The following RBPMS variants were observed in gnomAD, a reference collection of about 807,000 sequenced individuals.
RBPMS encodes the protein RNA binding protein, mRNA processing factor.
RBPMS carries 7 observed loss-of-function variants against 26.8 expected under a neutral mutation model. The ratio of observed to expected loss-of-function variants is 0.26; its 90% CI spans 0.15 to 0.49. The LOEUF (loss-of-function observed/expected upper bound fraction) is 0.49. RBPMS is among the 20% of genes least tolerant of loss of function. The probability of loss-of-function intolerance (pLI) is 0.98; values close to 1 mark genes in which losing one functional copy is unlikely to be tolerated. For synonymous variants in RBPMS, 96 were observed against 93.3 expected, an observed-to-expected ratio of 1.03 and a Z score of -0.17; for missense variants, 186 against 250.0, an observed-to-expected ratio of 0.74 and a Z score of 1.73.
chr8:30,496,673 A>C (rs1342889887), intron 4 of RBPMS, among the ~76,000 whole-genome samples: 1 of 152,182 alleles, frequency 6.6e-6, no homozygotes, highest in Non-Finnish European at 1.5e-5. Flanking sequence ...CTTTACTCAT[A>C]GTTTTCTATT....
At chr8:30,555,811 G>A (rs1304130508) in intron 6 of RBPMS, 30 of 919,384 alleles carry the variant, frequency 3.3e-5, no homozygotes, top group East Asian at 1.2e-4. Context: ...AGTGACCTGG[G>A]GCCAAAAGCC....
chr8:30,552,910 G>A (rs563913725), intron 6 of RBPMS: 12 of 152,372 alleles, frequency 7.9e-5, no homozygotes, highest in African/African-American at 2.9e-4. Flanking sequence ...GTCCCTGCCT[G>A]GGCTCGGACC....
rs1483517041 is a variant in RBPMS, at chr8:30,504,289, A to G, written c.250A>G (p.Ile84Val). The G allele has an allele frequency of 4.3e-6, 7 of 1,614,162 alleles. No homozygotes were observed. Among genetic ancestry groups the G allele is most frequent in the Non-Finnish European group, 5.9e-6 (7 of 1,180,008 alleles). ...AEAAKNALNG[I>V]RFDPEIPQTL... ...CATTTGTTCTCTGTTTCCAAAGGGC[A>G]TCCGCTTCGATCCTGAAATTCCGCA... The change falls in exon 5 of 9, where the codon ATC (isoleucine) becomes GTC (valine). Residue 84 changes from isoleucine (I) to valine (V), a missense_variant. By Grantham distance (29) the Ile-to-Val change is conservative. This residue lies in a region of RBPMS where 50 missense variants were observed against 108.5 expected (regional missense o/e 0.46). Transcript: ENST00000397323.
chr8:30,391,638 G>T (rs1399866626), intron 1 of RBPMS, among the ~76,000 whole-genome samples: 1 of 152,168 alleles, frequency 6.6e-6, no homozygotes, highest in African/African-American at 2.4e-5. Context: ...TTTGTCATAT[G>T]GGGATAACTC....
intron 4 of RBPMS, among the ~76,000 whole-genome samples, chr8:30,503,215 T>G (rs1395210315): frequency 6.6e-6 from 1 of 152,202 alleles, no homozygotes; most frequent in Non-Finnish European, 1.5e-5. Flanking sequence ...TCAGAGTTGT[T>G]CATCCTGGTC....
At chr8:30,472,995 A>G (rs977542797) in intron 1 of RBPMS, among the ~76,000 whole-genome samples, 1 of 152,224 alleles carries the variant, frequency 6.6e-6, no homozygotes, top group African/African-American at 2.4e-5. Context: ...TCTTTCATGT[A>G]TATATTCATG....
At chr8:30,561,542 G>T (rs1585894878) in intron 7 of RBPMS, among the ~76,000 whole-genome samples, 1 of 152,196 alleles carries the variant, frequency 6.6e-6, no homozygotes, top group Non-Finnish European at 1.5e-5. Flanking sequence ...ACACTGACCT[G>T]ACCCTCAGCA....
intron 8 of RBPMS, among the ~76,000 whole-genome samples, chr8:30,567,008 TAAA>T (rs1003425955): frequency 6.6e-6 from 1 of 152,042 alleles, no homozygotes; most frequent in East Asian, 1.9e-4. Context: ...AAATGTAGTC[TAAA>T]AAAAATCCTC....
intron 4 of RBPMS, among the ~76,000 whole-genome samples, chr8:30,487,824 A>G (rs187780645): frequency 7.7e-4 from 117 of 152,304 alleles, no homozygotes; most frequent in African/African-American, 2.6e-3. Context: ...ACCGTGAAGT[A>G]TATTTTTAAG....
At chr8:30,416,908 T>A (rs1810152339) in intron 1 of RBPMS, among the ~76,000 whole-genome samples, 1 of 152,184 alleles carries the variant, frequency 6.6e-6, no homozygotes, top group Non-Finnish European at 1.5e-5. Flanking sequence ...TAGCTGGGAT[T>A]ACAGGCATGC....
At chr8:30,441,378 T>C (rs1054833198) in intron 1 of RBPMS, among the ~76,000 whole-genome samples, 1 of 152,172 alleles carries the variant, frequency 6.6e-6, no homozygotes, top group African/African-American at 2.4e-5. Context: ...GAAAAAGCAG[T>C]GGAACATCAT....
chr8:30,544,671 C>A (rs757092789), intron 6 of RBPMS, 47 bp downstream of exon 6: 2 of 1,611,388 alleles, frequency 1.2e-6, no homozygotes, highest in South Asian at 2.2e-5. Context: ...CACCACCAGT[C>A]CTTTCAAACT....
chr8:30,527,983 CTGGTCAACA>C (rs1563413124), intron 5 of RBPMS, among the ~76,000 whole-genome samples: 1 of 152,130 alleles, frequency 6.6e-6, no homozygotes, highest in African/African-American at 2.4e-5. Flanking sequence ...CAAGACCAGC[CTGGTCAACA>C]TGGTGAAACC....
intron 6 of RBPMS, chr8:30,558,152 C>G (rs1057426885): frequency 6.6e-6 from 1 of 152,332 alleles, no homozygotes; most frequent in East Asian, 1.9e-4. Flanking sequence ...GCGTGAGCCA[C>G]CACACCCATT....
chr8:30,493,595 C>T (rs981115876), intron 4 of RBPMS, among the ~76,000 whole-genome samples: 7 of 152,096 alleles, frequency 4.6e-5, no homozygotes, highest in African/African-American at 1.7e-4. Context: ...GTACCATCTG[C>T]ACTCTGGCCT....
intron 6 of RBPMS, chr8:30,555,879 C>T (rs1363546885): frequency 5.1e-6 from 5 of 985,334 alleles, no homozygotes; most frequent in African/African-American, 3.5e-5. Context: ...ATTACCCCCA[C>T]ACAGTGATTA....
At chr8:30,557,383 G>T (rs757315368) in intron 6 of RBPMS, among the ~76,000 whole-genome samples, 1 of 152,140 alleles carries the variant, frequency 6.6e-6, no homozygotes. Context: ...CCTGCTTTTA[G>T]AATCAAGTTA....
intron 2 of RBPMS, among the ~76,000 whole-genome samples, 162 bp from the exon 3 acceptor site, chr8:30,477,636 TG>T (rs1817841608): frequency 6.6e-6 from 1 of 152,074 alleles, no homozygotes; most frequent in South Asian, 2.1e-4. Flanking sequence ...GGTGTGTGTG[TG>T]TGTGTGCACA....
intron 1 of RBPMS, among the ~76,000 whole-genome samples, chr8:30,440,968 G>A (rs945167555): frequency 2.8e-5 from 4 of 141,646 alleles, no homozygotes; most frequent in Non-Finnish European, 6.1e-5. Flanking sequence ...CCCCCGCCCC[G>A]CCCCCCTCCA....
Sources: allele counts gnomAD v4.1 joint callset (sites outside exome capture counted in the v4.1 genomes callset), GRCh38; gene constraint gnomAD v4.1.1; regional missense constraint gnomAD v4.1.1; transcripts MANE v1.5; gene names NCBI Gene and HGNC (gene_info 2026-07-23, HGNC 2026-07-21).